Variants in STUM observed in about 807,000 individuals in gnomAD.
The protein encoded by STUM is protein stum homolog.
A neutral mutation model predicts 15.3 loss-of-function variants in STUM; 8 were observed. That is an observed-to-expected ratio of 0.52 (90% CI 0.31 to 0.94). The LOEUF is 0.94. Among genes scored for constraint, STUM ranks in the 40% least tolerant of loss-of-function variants. The probability of loss-of-function intolerance (pLI) is 0.05; values close to 1 mark genes in which losing one functional copy is unlikely to be tolerated. For synonymous variants in STUM, 78 were observed against 88.7 expected, an observed-to-expected ratio of 0.88 and a Z score of 0.68; for missense variants, 142 against 204.9, an observed-to-expected ratio of 0.69 and a Z score of 1.87.
chr1:226,587,545 C>A (rs537286066), intron 1 of STUM, among the ~76,000 whole-genome samples: 4 of 152,158 alleles, frequency 2.6e-5, no homozygotes, highest in Non-Finnish European at 5.9e-5. Flanking sequence ...CTGACCCCCT[C>A]AAACCTCACA....
At chr1:226,599,256 C>T (rs1668228465) in intron 2 of STUM, among the ~76,000 whole-genome samples, 2 of 152,192 alleles carry the variant, frequency 1.3e-5, no homozygotes, top group African/African-American at 4.8e-5. Flanking sequence ...ACCAGTCACA[C>T]CTCATTCTTG....
intron 1 of STUM, among the ~76,000 whole-genome samples, chr1:226,573,838 CTT>C (rs148074401): frequency 2.4e-4 from 35 of 143,034 alleles, no homozygotes; most frequent in South Asian, 4.5e-4. Context: ...GTACAATATA[CTT>C]TTTTTTTTTT....
chr1:226,556,391 T>C (rs187338667), intron 1 of STUM, among the ~76,000 whole-genome samples: 281 of 152,294 alleles, frequency 1.8e-3, no homozygotes, highest in Admixed American at 3.0e-3. Context: ...CAGGCACTAA[T>C]GAATACAGAC....
rs1205071986 is a variant in STUM, at chr1:226,565,363, C to A, written c.202+16257C>A. Among the ~76,000 whole-genome samples, 1 of 152,130 alleles carries A rather than the reference C, an allele frequency of 6.6e-6. No individual in the cohort carries two copies. The highest frequency in any genetic ancestry group is 1.9e-4 in the East Asian group (1 of 5,174). Reference sequence around the variant, plus strand: ...TGGGAGCCTTTGCTTCCTGCTGGGACCCCCTGGTCACACAGAGATGTTTGT... The same window carrying A: ...TGGGAGCCTTTGCTTCCTGCTGGGAACCCCTGGTCACACAGAGATGTTTGT... On this transcript the variant is annotated intron_variant, in intron 1 of 3. Coordinates refer to ENST00000366788, the MANE Select transcript of STUM (RefSeq NM_001003665.4). The surrounding 1 kb of genome is among the most constrained non-coding windows in gnomAD (Gnocchi z 4.4).
chr1:226,587,449 C>T (rs991495189), intron 1 of STUM, among the ~76,000 whole-genome samples: 4 of 152,112 alleles, frequency 2.6e-5, no homozygotes, highest in Admixed American at 6.6e-5. Context: ...CACCTGATGC[C>T]GCAATACACC....
intron 3 of STUM, among the ~76,000 whole-genome samples, chr1:226,601,687 G>A (rs1668269652): frequency 6.6e-6 from 1 of 152,132 alleles, no homozygotes; most frequent in African/African-American, 2.4e-5. Context: ...CTCTGCACTG[G>A]GAAAGCACAC....
At chr1:226,590,979 C>T (rs955868487) in intron 1 of STUM, among the ~76,000 whole-genome samples, 2 of 152,212 alleles carry the variant, frequency 1.3e-5, no homozygotes, top group African/African-American at 2.4e-5. Context: ...GTTCCCATCA[C>T]CTGTCTGGGC....
At chr1:226,579,914 C>G (rs1667892137) in intron 1 of STUM, among the ~76,000 whole-genome samples, 1 of 152,206 alleles carries the variant, frequency 6.6e-6, no homozygotes, top group Non-Finnish European at 1.5e-5. Flanking sequence ...GTGAGCCACC[C>G]TGCCCTGCCC....
At position 226,549,124 on chromosome 1, in the gene STUM, C is replaced by T. The variant is rs548725465; in HGVS notation, c.202+18C>T. The T allele has an allele frequency of 4.5e-6, 7 of 1,560,768 alleles. No individual in the cohort carries two copies. In the Admixed American group the frequency reaches 1.3e-4, roughly 29 times the overall value. On this transcript the variant is annotated intron_variant, in intron 1 of 3. Coordinates refer to ENST00000366788, the MANE Select transcript of STUM (RefSeq NM_001003665.4). This position sits in a 1 kb window ranked among gnomAD's most constrained non-coding sequence, Gnocchi z 6.8. ...GGGACTGGGTAAGACACGGCTGCCG[C>T]GACCCTTGCGACCCCCACCCCGCCG...
chr1:226,579,420 C>T (rs1456732214), intron 1 of STUM, among the ~76,000 whole-genome samples: 2 of 152,164 alleles, frequency 1.3e-5, no homozygotes, highest in Non-Finnish European at 2.9e-5. Context: ...TTTACTTGGT[C>T]CCTGTCCATG....
At chr1:226,551,086 T>A (rs881349) in intron 1 of STUM, among the ~76,000 whole-genome samples, 35,963 of 151,370 alleles carry the variant, frequency 0.24, 4,691 homozygotes, top group East Asian at 0.3. Flanking sequence ...TTTTTTTTTT[T>A]AATTTTGCTT....
intron 1 of STUM, among the ~76,000 whole-genome samples, chr1:226,578,140 A>G (rs1667850331): frequency 6.6e-6 from 1 of 152,092 alleles, no homozygotes; most frequent in Non-Finnish European, 1.5e-5. Flanking sequence ...GCACCTTCTC[A>G]ATATCTCACC....
At position 226,560,355 on chromosome 1, in the gene STUM, T is replaced by C. The variant is rs370138281; in HGVS notation, c.202+11249T>C. ...CGTTTGGGAACCTTTTTGCCGTTGC[T>C]GTCTCCAAGTTCTGCCAGTGCAGGA... On this transcript the variant is annotated intron_variant, in intron 1 of 3. Transcript: ENST00000366788. Among the ~76,000 whole-genome samples, 41 of 152,344 alleles carry C rather than the reference T, an allele frequency of 2.7e-4. No homozygotes were observed. The South Asian group carries it at 7.0e-3, about 26-fold the overall frequency.
rs2102717556 is a variant in STUM at position 226,604,646 on chromosome 1, T to G, written c.*2606T>G. The G allele has an allele frequency of 6.6e-6, 1 of 152,252 alleles. No individual in the cohort carries two copies. The allele number at this position is 152,252 out of a possible 1,614,324, so 9.4% of individuals were successfully genotyped here. A position where few individuals can be genotyped will look rare whatever the true frequency, so the allele number is the denominator to read the frequency against. ...CTGGCCACTCAGACCAGGGCCAGAG[T>G]TAACTTCTCAAACACCAGCCAGCTG... On this transcript the variant is annotated 3_prime_UTR_variant, in exon 4 of 4. Coordinates refer to ENST00000366788, the MANE Select transcript of STUM (RefSeq NM_001003665.4). The surrounding 1 kb of genome is among the most constrained non-coding windows in gnomAD (Gnocchi z 4.7).
chr1:226,558,162 G>C (rs757566060), intron 1 of STUM, among the ~76,000 whole-genome samples: 28 of 152,140 alleles, frequency 1.8e-4, no homozygotes, highest in Non-Finnish European at 5.9e-5. Flanking sequence ...GAAAGAAAAG[G>C]CATCCAAATA....
At chr1:226,566,119 T>C (rs567266948) in intron 1 of STUM, among the ~76,000 whole-genome samples, 4 of 152,346 alleles carry the variant, frequency 2.6e-5, no homozygotes, top group African/African-American at 9.6e-5. Context: ...GAATCCTCAG[T>C]TGCGTGGTTT....
At chr1:226,583,795 C>A (rs1251702498) in intron 1 of STUM, among the ~76,000 whole-genome samples, 7 of 152,176 alleles carry the variant, frequency 4.6e-5, no homozygotes, top group Non-Finnish European at 1.0e-4. Context: ...AGGCAGGGCT[C>A]TGGGACGGGG....
At chr1:226,559,148 G>A (rs908093522) in intron 1 of STUM, among the ~76,000 whole-genome samples, 1 of 152,220 alleles carries the variant, frequency 6.6e-6, no homozygotes, top group East Asian at 1.9e-4. Context: ...CCTGGAATTT[G>A]TAGGGGCCAT....
At chr1:226,597,321 ACC>A (rs930959039) in intron 2 of STUM, 26 of 508,068 alleles carry the variant, frequency 5.1e-5, no homozygotes, top group African/African-American at 5.0e-4. Context: ...TTCTAAAATA[ACC>A]TAGCAAAATC....
Sources: allele counts gnomAD v4.1 joint callset (sites outside exome capture counted in the v4.1 genomes callset), GRCh38; gene constraint gnomAD v4.1.1; non-coding constraint Gnocchi (gnomAD v3.1); transcripts MANE v1.5; gene names NCBI Gene and HGNC (gene_info 2026-07-23, HGNC 2026-07-21).